ALDH9A1: variants seen among roughly 807,000 people sequenced by gnomAD.
ALDH9A1 encodes the protein 4-trimethylaminobutyraldehyde dehydrogenase.
In ALDH9A1, 42 loss-of-function variants were observed where a neutral mutation model predicts 56.6. The observed-to-expected ratio is 0.74, with a 90% CI of 0.58 to 0.96. The LOEUF is 0.96. Among genes scored for constraint, ALDH9A1 ranks in the 40% least tolerant of loss-of-function variants. ALDH9A1 has a pLI of 0.00. For synonymous variants in ALDH9A1, 242 were observed against 236.0 expected (o/e 1.03, Z -0.23); for missense variants, 661 against 651.5 (o/e 1.01, Z -0.16).
In ALDH9A1 at chr1:165,680,609, C is replaced by T; in HGVS notation, c.667G>A (p.Ala223Thr). The change falls in exon 5 of 11, where the codon GCT becomes ACT. Residue 223 changes from alanine (A) to threonine (T), a missense_variant. By Grantham distance (58) the Ala-to-Thr change is moderately conservative. Coordinates refer to ENST00000354775, the MANE Select transcript of ALDH9A1 (RefSeq NM_000696.4). ...TTGAAGAGCCCAGGAGGTACACCAG[C>T]CTCACTGTAGATTTCAGCCAGTAGC... ...ALLLAEIYSE[A>T]GVPPGLFNVV... The T allele has an allele frequency of 1.2e-6, 2 of 1,614,126 alleles. No homozygotes were observed. The highest frequency in any genetic ancestry group is 8.5e-7 in the Non-Finnish European group (1 of 1,180,002).
At chr1:165,670,314 T>C (rs1006429957) in intron 6 of ALDH9A1, among the ~76,000 whole-genome samples, 6 of 152,024 alleles carry the variant, frequency 3.9e-5, no homozygotes, top group Non-Finnish European at 7.4e-5. Context: ...GCACCTGTAG[T>C]CCCAGCTACT....
chr1:165,682,471 C>T (rs949193299), intron 3 of ALDH9A1, among the ~76,000 whole-genome samples: 1 of 152,148 alleles, frequency 6.6e-6, no homozygotes. Flanking sequence ...ACATGTTCAT[C>T]TAACTTGATT....
intron 6 of ALDH9A1, among the ~76,000 whole-genome samples, chr1:165,673,332 A>G (rs546802156): frequency 9.2e-5 from 14 of 152,286 alleles, no homozygotes; most frequent in South Asian, 4.1e-4. Context: ...AGAAAAGGAA[A>G]TCTTGGTATA....
At chr1:165,673,130 C>T (rs890816669) in intron 6 of ALDH9A1, among the ~76,000 whole-genome samples, 2 of 146,220 alleles carry the variant, frequency 1.4e-5, no homozygotes, top group East Asian at 2.0e-4. Context: ...CCTCTGATTA[C>T]GAATGGGCAA....
rs1648884952 is a variant in ALDH9A1, at chr1:165,662,849, T to C, written c.*201A>G. 1.8e-6 allele frequency: 1 copy of C among 561,272 alleles called. No homozygotes were observed. Among genetic ancestry groups the C allele is most frequent in the Non-Finnish European group, 3.2e-6 (1 of 313,608 alleles). 34.8% of individuals were successfully genotyped at this position (561,272 alleles called of 1,614,324 possible). A position where few individuals can be genotyped will look rare whatever the true frequency, so the allele number is the denominator to read the frequency against. ...GCTTTGAGGAGAATCACAGCTTTCTTGATTAGTATCTACAAGGCACTTAAT... is the reference window on the plus strand; with the variant it reads ...GCTTTGAGGAGAATCACAGCTTTCTCGATTAGTATCTACAAGGCACTTAAT... On this transcript the variant is annotated 3_prime_UTR_variant, in exon 11 of 11. Coordinates refer to ENST00000354775, the MANE Select transcript of ALDH9A1 (RefSeq NM_000696.4).
intron 10 of ALDH9A1, among the ~76,000 whole-genome samples, chr1:165,663,803 A>G (rs1558000470): frequency 6.6e-6 from 1 of 152,248 alleles, no homozygotes; most frequent in Admixed American, 6.5e-5. Flanking sequence ...ATGGTATCAC[A>G]CACAAAGGTC....
At chr1:165,673,008 C>CACACACAG (rs891432069) in intron 6 of ALDH9A1, among the ~76,000 whole-genome samples, 4 of 150,162 alleles carry the variant, frequency 2.7e-5, no homozygotes, top group African/African-American at 9.8e-5. Flanking sequence ...CACACACACA[C>CACACACAG]ACACACGGTT....
chr1:165,667,507 C>T (rs931769841), intron 8 of ALDH9A1, 57 bp from the exon 9 acceptor site: 16 of 1,583,346 alleles, frequency 1.0e-5, no homozygotes, highest in Non-Finnish European at 1.2e-5. Context: ...TGCACCACCA[C>T]CCCCAGCTAA....
At chr1:165,682,342 C>G in intron 3 of ALDH9A1, 101 bp from the exon 4 acceptor site, 1 of 1,266,510 alleles carries the variant, frequency 7.9e-7, no homozygotes, top group Non-Finnish European at 1.1e-6. Context: ...AACGCAGCCT[C>G]CCCACTTCTC....
chr1:165,693,310 T>C (rs1439297664), intron 2 of ALDH9A1, among the ~76,000 whole-genome samples: 2 of 152,226 alleles, frequency 1.3e-5, no homozygotes, highest in East Asian at 3.8e-4. Flanking sequence ...TTTTGTAATC[T>C]ACCCATCTGA....
At chr1:165,671,913 A>G (rs571321265) in intron 6 of ALDH9A1, among the ~76,000 whole-genome samples, 3 of 152,212 alleles carry the variant, frequency 2.0e-5, no homozygotes, top group Non-Finnish European at 4.4e-5. Flanking sequence ...TTCATACCCA[A>G]TAGGATGACT....
intron 10 of ALDH9A1, 27 bp from the exon 11 acceptor site, chr1:165,663,171 G>A (rs775053523): frequency 5.7e-6 from 9 of 1,566,562 alleles, no homozygotes; most frequent in Non-Finnish European, 7.9e-6. Flanking sequence ...GGGTCAGGTT[G>A]AGCCATCACT....
chr1:165,682,013 T>TTATAGAGAG, intron 4 of ALDH9A1, 94 bp downstream of exon 4: 2 of 1,494,092 alleles, frequency 1.3e-6, no homozygotes, highest in Non-Finnish European at 1.8e-6. Context: ...ATTTAAAGTG[T>TTATAGAGAG]GTGTTTATAG....
In ALDH9A1 at chr1:165,689,538, G is replaced by A. The variant is rs1034994623; in HGVS notation, c.327+5714C>T. Reference sequence around the variant, plus strand: ...ATTTCTATTTAAATGAATCTCAGAAGTTTAGGGTTCTTCTCCTTTGGTGCA... The same window carrying A: ...ATTTCTATTTAAATGAATCTCAGAAATTTAGGGTTCTTCTCCTTTGGTGCA... On this transcript the variant is annotated intron_variant, in intron 2 of 10. Coordinates refer to ENST00000354775, the MANE Select transcript of ALDH9A1 (RefSeq NM_000696.4). Among the ~76,000 whole-genome samples, 4 of 152,220 alleles carry A rather than the reference G, an allele frequency of 2.6e-5. No individual in the cohort carries two copies. The South Asian group carries it at 6.2e-4, about 24-fold the overall frequency.
chr1:165,685,575 C>T (rs4646887), intron 2 of ALDH9A1, among the ~76,000 whole-genome samples: 106,597 of 152,092 alleles, frequency 0.7, 37,687 homozygotes, highest in East Asian at 0.98. Context: ...AACAAAAGAA[C>T]AGCACCAAAC....
At chr1:165,691,225 G>T (rs532695697) in intron 2 of ALDH9A1, among the ~76,000 whole-genome samples, 2 of 152,186 alleles carry the variant, frequency 1.3e-5, no homozygotes, top group Admixed American at 1.3e-4. Flanking sequence ...TACAGCCTCC[G>T]CTGGTGATAC....
chr1:165,688,674 C>T (rs1472006353), intron 2 of ALDH9A1, among the ~76,000 whole-genome samples: 1 of 152,108 alleles, frequency 6.6e-6, no homozygotes, highest in Non-Finnish European at 1.5e-5. Flanking sequence ...TGCCACTGCA[C>T]TCCAGCCTGG....
chr1:165,676,877 T>C, intron 6 of ALDH9A1: 1 of 241,742 alleles, frequency 4.1e-6, no homozygotes. Context: ...AAAAAAATAT[T>C]TAAAGCAGAT....
chr1:165,674,685 C>CAAAAAA (rs36011778), intron 6 of ALDH9A1, among the ~76,000 whole-genome samples: 13 of 115,522 alleles, frequency 1.1e-4, no homozygotes, highest in Non-Finnish European at 1.6e-4. Flanking sequence ...GACTCCGAAT[C>CAAAAAA]AAAAAAAAAA....
Sources: gnomAD v4.1 joint callset for allele counts (sites outside exome capture counted in the v4.1 genomes callset) on GRCh38, gnomAD v4.1.1 for gene constraint, MANE v1.5 for transcripts, NCBI Gene and HGNC (gene_info 2026-07-23, HGNC 2026-07-21) for gene names.